The following ATL2 variants were observed in gnomAD, a reference collection of about 807,000 sequenced individuals.
ATL2 encodes atlastin-2.
Under a neutral mutation model 73.9 loss-of-function variants are expected in ATL2, and 31 were observed. That is an observed-to-expected ratio of 0.42 (90% CI 0.32 to 0.57). ATL2 has a LOEUF of 0.57. Ranked by LOEUF, ATL2 falls within the 20% of genes least tolerant of loss-of-function variation. The probability of loss-of-function intolerance (pLI) is 0.14; values close to 1 mark genes in which losing one functional copy is unlikely to be tolerated. For synonymous variants in ATL2, 291 were observed against 237.5 expected (o/e 1.23, Z -2.07); for missense variants, 738 against 702.6 (o/e 1.05, Z -0.57).
chr2:38,345,789 GA>G (rs1669982801), intron 1 of ATL2, among the ~76,000 whole-genome samples: 1 of 152,202 alleles, frequency 6.6e-6, no homozygotes, highest in South Asian at 2.1e-4. Context: ...TTAAGACCAT[GA>G]AGTAGGGAGC....
chr2:38,358,193 T>C (rs1179605514), intron 1 of ATL2, among the ~76,000 whole-genome samples: 3 of 152,190 alleles, frequency 2.0e-5, no homozygotes, highest in Admixed American at 1.3e-4. Flanking sequence ...TTTAATTCTA[T>C]TTCATGTAGT....
Position 38,296,051 on chromosome 2 carries a change from A to G in ATL2, c.1695T>C (p.Ser565=), listed in dbSNP as rs1283116778. 2 of 1,551,706 alleles carry G rather than the reference A, an allele frequency of 1.3e-6. No individual in the cohort carries two copies. Among genetic ancestry groups the G allele is most frequent in the African/African-American group, 1.4e-5 (1 of 73,172 alleles). ...EENIRQSVTN[S]IKAGLTDQVS... Reference sequence around the variant, plus strand: ...CCTGGTCAGTCAGGCCTGCTTTGATAGAGTTTGTTACAGACTGCCTTATGT... The same window carrying G: ...CCTGGTCAGTCAGGCCTGCTTTGATGGAGTTTGTTACAGACTGCCTTATGT... Residue 565 remains serine (S), a synonymous_variant, in exon 13 of 13, where the codon TCT becomes TCC. Transcript: ENST00000378954.
At chr2:38,358,853 G>A (rs1670839986) in intron 1 of ATL2, among the ~76,000 whole-genome samples, 1 of 152,106 alleles carries the variant, frequency 6.6e-6, no homozygotes, top group African/African-American at 2.4e-5. Context: ...ATTGCAGCCT[G>A]GGATACAAGT....
At chr2:38,302,671 C>T (rs988298507) in intron 9 of ATL2, among the ~76,000 whole-genome samples, 2 of 152,062 alleles carry the variant, frequency 1.3e-5, no homozygotes, top group African/African-American at 4.8e-5. Flanking sequence ...AGAGTCTCTG[C>T]CTGGTAATCC....
At chr2:38,315,235 G>A (rs371717519) in intron 5 of ATL2, 49 bp downstream of exon 5, 2 of 1,412,038 alleles carry the variant, frequency 1.4e-6, no homozygotes, top group Non-Finnish European at 1.8e-6. Context: ...TGGGGAACAA[G>A]AGCGAAACTC....
chr2:38,370,184 A>C (rs1671594717), intron 1 of ATL2, among the ~76,000 whole-genome samples: 1 of 148,536 alleles, frequency 6.7e-6, no homozygotes, highest in South Asian at 2.1e-4. Flanking sequence ...AAGAAAATCA[A>C]GACCGGGCGG....
At chr2:38,329,915 G>T (rs957042028) in intron 2 of ATL2, among the ~76,000 whole-genome samples, 1 of 152,072 alleles carries the variant, frequency 6.6e-6, no homozygotes, top group East Asian at 1.9e-4. Context: ...GAATACCTGA[G>T]GTCAGGAGTT....
intron 4 of ATL2, among the ~76,000 whole-genome samples, chr2:38,315,754 C>T (rs1413831881): frequency 6.6e-6 from 1 of 152,128 alleles, no homozygotes; most frequent in African/African-American, 2.4e-5. Flanking sequence ...ATAAATTCTT[C>T]CCTGGTACAA....
intron 1 of ATL2, among the ~76,000 whole-genome samples, chr2:38,370,443 T>C (rs1453090989): frequency 2.1e-5 from 2 of 93,708 alleles, no homozygotes; most frequent in Non-Finnish European, 1.9e-5. Context: ...AGTGAGACTC[T>C]GTCCCAAAAA....
At chr2:38,306,286 T>C (rs10189605) in intron 9 of ATL2, among the ~76,000 whole-genome samples, 51,225 of 152,094 alleles carry the variant, frequency 0.34, 8,873 homozygotes, top group South Asian at 0.48. Context: ...CGAAAGCTAA[T>C]GGCTTCATTG....
chr2:38,322,057 T>C (rs1205286058), intron 2 of ATL2, among the ~76,000 whole-genome samples: 2 of 152,208 alleles, frequency 1.3e-5, no homozygotes, highest in Non-Finnish European at 2.9e-5. Flanking sequence ...CTTTATATGG[T>C]TTTGCAGTTT....
chr2:38,370,312 G>A (rs575662813), intron 1 of ATL2, among the ~76,000 whole-genome samples: 24 of 151,224 alleles, frequency 1.6e-4, no homozygotes, highest in Non-Finnish European at 2.7e-4. Flanking sequence ...AGCCGGGCAC[G>A]GTGGCGGGCA....
chr2:38,298,958 TTAAAC>T (rs1175571131), intron 11 of ATL2, among the ~76,000 whole-genome samples: 1 of 152,184 alleles, frequency 6.6e-6, no homozygotes, highest in Non-Finnish European at 1.5e-5. Context: ...GCTACTGGCC[TTAAAC>T]TAATGCTACC....
chr2:38,296,532 G>C, intron 12 of ATL2: 1 of 1,614,054 alleles, frequency 6.2e-7, no homozygotes, highest in Non-Finnish European at 8.5e-7. Context: ...TCGCTGTGCT[G>C]ATGAAAGAGC....
At chr2:38,338,248 C>T (rs11884107) in intron 2 of ATL2, among the ~76,000 whole-genome samples, 37,896 of 151,960 alleles carry the variant, frequency 0.25, 4,787 homozygotes, top group South Asian at 0.37. Context: ...AAAGTAGAAG[C>T]TAAACAAGGG....
Position 38,373,142 on chromosome 2 carries a change from C to T in ATL2, c.118+4001G>A, listed in dbSNP as rs147200404. ...CTACCTTATATGAGGGCTCCAGGCT[C>T]TGAGAGCTTAAGTGAAATCACTCAT... is the stretch of plus-strand genomic sequence containing the variant. On this transcript the variant is annotated intron_variant, in intron 1 of 12. Transcript: ENST00000378954. Among the ~76,000 whole-genome samples the T allele has an allele frequency of 2.1e-3, 316 of 152,300 alleles. 1 individual carries two copies. Among genetic ancestry groups the T allele is most frequent in the African/African-American group, 7.4e-3 (308 of 41,566 alleles).
intron 8 of ATL2, among the ~76,000 whole-genome samples, chr2:38,309,948 A>T (rs765299658): frequency 8.6e-5 from 13 of 151,258 alleles, no homozygotes; most frequent in Non-Finnish European, 1.5e-4. Flanking sequence ...CAACATACAT[A>T]AACTGTACTA....
intron 11 of ATL2, 32 bp downstream of exon 11, chr2:38,299,224 T>TC (rs780080728): frequency 1.3e-6 from 2 of 1,488,722 alleles, no homozygotes; most frequent in Non-Finnish European, 8.9e-7. Flanking sequence ...ATCTTCTCAC[T>TC]CCAGCATCAA....
intron 4 of ATL2, among the ~76,000 whole-genome samples, chr2:38,317,165 C>G (rs1668067586): frequency 6.6e-6 from 1 of 151,884 alleles, no homozygotes; most frequent in African/African-American, 2.4e-5. Context: ...TAAAAAAATC[C>G]AAGACACTGT....
Sources: gnomAD v4.1 joint callset for allele counts (sites outside exome capture counted in the v4.1 genomes callset) on GRCh38, gnomAD v4.1.1 for gene constraint, MANE v1.5 for transcripts, NCBI Gene and HGNC (gene_info 2026-07-23, HGNC 2026-07-21) for gene names.